The following CELF1 variants were observed in gnomAD, a reference collection of about 807,000 sequenced individuals.
CELF1 encodes the protein CUGBP Elav-like family member 1.
CELF1 carries 10 observed loss-of-function variants against 61.8 expected under a neutral mutation model. That is an observed-to-expected ratio of 0.16 (90% CI 0.10 to 0.27). The LOEUF (loss-of-function observed/expected upper bound fraction) is 0.27. CELF1 is among the 10% of genes least tolerant of loss of function. The pLI, the probability that CELF1 is intolerant of heterozygous loss-of-function variation, is 1.00. For synonymous variants in CELF1, 236 were observed against 225.1 expected (o/e 1.05, Z -0.43); for missense variants, 380 against 639.1 (o/e 0.59, Z 4.37).
intron 1 of CELF1, among the ~76,000 whole-genome samples, chr11:47,547,765 G>A (rs1459701693): frequency 3.3e-5 from 5 of 151,192 alleles, no homozygotes; most frequent in African/African-American, 1.2e-4. Flanking sequence ...AGTGAAATAA[G>A]CCAGACACAA....
In CELF1 at chr11:47,502,765, G is replaced by A. The variant is rs187595212; in HGVS notation, c.-153-1833C>T. ...GAGAATCACTTGAACCCGGGAGGCG[G>A]AGGTTGCAGTGAGCTGAGATTGCGC... On this transcript the variant is annotated intron_variant, in intron 1 of 14. Coordinates refer to ENST00000687097, the MANE Select transcript of CELF1 (RefSeq NM_001376376.1). 5.6e-3 allele frequency among the ~76,000 whole-genome samples: 855 copies of A among 152,264 alleles called. 10 individuals are homozygous for A. The highest frequency in any genetic ancestry group is 0.019 in the African/African-American group (773 of 41,552).
rs183850832 is a variant in CELF1, at chr11:47,508,226, C to G, written c.-153-7294G>C. ...GGTAGACAGCAAGTTAAATTTCTAC[C>G]TGTTAAGAGTTCTTCTGGAAGATGT... On this transcript the variant is annotated intron_variant, in intron 1 of 14. Transcript: ENST00000687097. Among the ~76,000 whole-genome samples the G allele has an allele frequency of 7.2e-5, 11 of 152,254 alleles. No homozygotes were observed. In the East Asian group the frequency reaches 1.7e-3, roughly 24 times the overall value.
chr11:47,530,637 C>G (rs2096436714), intron 1 of CELF1, among the ~76,000 whole-genome samples: 1 of 152,084 alleles, frequency 6.6e-6, no homozygotes, highest in African/African-American at 2.4e-5. Context: ...GACATGAAAA[C>G]TGGGAGAGAG....
intron 4 of CELF1, 47 bp from the exon 5 acceptor site, chr11:47,487,288 AT>A (rs778072621): frequency 6.9e-6 from 10 of 1,447,354 alleles, no homozygotes; most frequent in Non-Finnish European, 9.6e-6. Flanking sequence ...AAAGCAGAGA[AT>A]TCCTAGAGCA....
At chr11:47,508,535 C>T (rs1254554908) in intron 1 of CELF1, among the ~76,000 whole-genome samples, 1 of 145,690 alleles carries the variant, frequency 6.9e-6, no homozygotes, top group East Asian at 2.0e-4. Context: ...TTTTAACTGC[C>T]AGGCCAAGAG....
chr11:47,495,875 A>G (rs1473800194), intron 3 of CELF1: 2 of 470,440 alleles, frequency 4.3e-6, no homozygotes, highest in Non-Finnish European at 2.8e-6. Context: ...TTATTTTTTC[A>G]CTCCCCCTTT....
intron 8 of CELF1, among the ~76,000 whole-genome samples, chr11:47,483,234 C>T (rs1211988061): frequency 1.3e-5 from 2 of 152,106 alleles, no homozygotes; most frequent in African/African-American, 2.4e-5. Context: ...CACTGCACTC[C>T]AGCCCAGGTG....
In CELF1 at chr11:47,469,739, AAAG is replaced by A. The variant is rs1478902726; in HGVS notation, c.*2488_*2490del. 1 of 152,260 alleles carries A rather than the reference AAAG, an allele frequency of 6.6e-6. No individual in the cohort carries two copies. Among genetic ancestry groups the A allele is most frequent in the Non-Finnish European group, 1.5e-5 (1 of 68,086 alleles). 9.4% of individuals were successfully genotyped at this position (152,260 alleles called of 1,614,324 possible). On this transcript the variant is annotated 3_prime_UTR_variant, in exon 15 of 15. Transcript: ENST00000687097. ...TGCTGGGGCGAGCATTCCTTTTAGA[AAAG>A]AAAACCCATCAGCAGGTATGAAGCC...
intron 1 of CELF1, among the ~76,000 whole-genome samples, chr11:47,532,301 C>A (rs1368220534): frequency 6.6e-6 from 1 of 152,216 alleles, no homozygotes; most frequent in African/African-American, 2.4e-5. Flanking sequence ...GCTGGGATTA[C>A]AGGCGTGAGC....
intron 1 of CELF1, among the ~76,000 whole-genome samples, chr11:47,526,060 T>C (rs1204448734): frequency 6.6e-6 from 1 of 152,206 alleles, no homozygotes; most frequent in East Asian, 1.9e-4. Flanking sequence ...CCAGGAGTGG[T>C]AGCTCACGTC....
At chr11:47,519,264 G>A (rs191087382) in intron 1 of CELF1, among the ~76,000 whole-genome samples, 1 of 152,094 alleles carries the variant, frequency 6.6e-6, no homozygotes, top group Non-Finnish European at 1.5e-5. Flanking sequence ...TGGATCACTT[G>A]AGGTCAGAGT....
intron 1 of CELF1, among the ~76,000 whole-genome samples, chr11:47,520,974 G>A (rs1342679023): frequency 2.0e-5 from 3 of 151,838 alleles, no homozygotes; most frequent in Admixed American, 6.6e-5. Flanking sequence ...CTAGAGGGCC[G>A]GGCGTGGTGG....
chr11:47,546,236 C>CTT (rs11315629), intron 1 of CELF1, among the ~76,000 whole-genome samples: 2,713 of 79,110 alleles, frequency 0.034, 187 homozygotes, highest in African/African-American at 0.13. Context: ...CTCTCAGTAT[C>CTT]TTTTTTTTTT....
Position 47,491,481 on chromosome 11 carries a change from C to T in CELF1, c.72-2457G>A, listed in dbSNP as rs1392058845. 2.0e-5 allele frequency among the ~76,000 whole-genome samples: 3 copies of T among 152,168 alleles called. No homozygotes were observed. The East Asian group carries it at 5.8e-4, about 29-fold the overall frequency. ...GCCTTGAATCTTTTATAATTCAACA[C>T]TTACAGGGGTTATTCTCACATCACC... On this transcript the variant is annotated intron_variant, in intron 3 of 14. Coordinates refer to ENST00000687097, the MANE Select transcript of CELF1 (RefSeq NM_001376376.1).
chr11:47,528,134 A>G (rs757441248), intron 1 of CELF1, among the ~76,000 whole-genome samples: 1 of 150,442 alleles, frequency 6.6e-6, no homozygotes, highest in Non-Finnish European at 1.5e-5. Flanking sequence ...ACACACAGCA[A>G]TACACCACAG....
intron 1 of CELF1, among the ~76,000 whole-genome samples, chr11:47,507,547 C>G (rs1255761678): frequency 2.0e-5 from 3 of 152,114 alleles, no homozygotes; most frequent in African/African-American, 7.2e-5. Flanking sequence ...TATTTTTAAG[C>G]ATATCGAACA....
intron 2 of CELF1, among the ~76,000 whole-genome samples, chr11:47,563,344 TGA>T (rs1342916098): frequency 1.3e-5 from 2 of 152,126 alleles, no homozygotes; most frequent in African/African-American, 4.8e-5. Flanking sequence ...GAGAAAATGG[TGA>T]GTCTCTGCTA....
intron 1 of CELF1, among the ~76,000 whole-genome samples, 200 bp from the exon 2 acceptor site, chr11:47,501,132 T>A (rs1266634072): frequency 6.6e-6 from 1 of 152,218 alleles, no homozygotes; most frequent in African/African-American, 2.4e-5. Flanking sequence ...AATCTAGAAC[T>A]GTACTGTAAC....
chr11:47,477,429 C>T lies in CELF1; in HGVS notation c.845-4G>A, dbSNP rs529961724. Reference sequence around the variant, plus strand: ...TGTAACTGCATTGCATTCAACCCTACAACATCCAAAGCAAGAGATTAGCCA... The same window carrying T: ...TGTAACTGCATTGCATTCAACCCTATAACATCCAAAGCAAGAGATTAGCCA... On this transcript the variant is annotated splice_polypyrimidine_tract_variant and splice_region_variant and intron_variant, in intron 10 of 14. Coordinates refer to ENST00000687097, the MANE Select transcript of CELF1 (RefSeq NM_001376376.1). The T allele has an allele frequency of 4.6e-5, 74 of 1,613,328 alleles. 1 individual carries two copies. The South Asian group carries it at 7.8e-4, about 17-fold the overall frequency.
Sources: gnomAD v4.1 joint callset for allele counts (sites outside exome capture counted in the v4.1 genomes callset) on GRCh38, gnomAD v4.1.1 for gene constraint, MANE v1.5 for transcripts, NCBI Gene and HGNC (gene_info 2026-07-23, HGNC 2026-07-21) for gene names.